EEIG2: variants seen among roughly 807,000 people sequenced by gnomAD.
EEIG2 encodes the protein EEIG family member 2, also known as family with sequence similarity 102 member B.
chr1:108,616,867 T>C, the EEIG2 span, among the ~76,000 whole-genome samples: 4 of 152,106 alleles, frequency 2.6e-5, no homozygotes, highest in Non-Finnish European at 4.4e-5. Flanking sequence ...CAAGTAAATA[T>C]ATAATATACA....
At chr1:108,621,232 A>T in the EEIG2 span, among the ~76,000 whole-genome samples, 10 of 152,314 alleles carry the variant, frequency 6.6e-5, no homozygotes, top group Admixed American at 2.0e-4. Flanking sequence ...GATGAGATAT[A>T]AAAGCATTTT....
At chr1:108,616,515 T>C in the EEIG2 span, 1 of 894,064 alleles carries the variant, frequency 1.1e-6, no homozygotes, top group Non-Finnish European at 1.8e-6. Flanking sequence ...TATTTTGTAG[T>C]GCTTATAAGA....
the EEIG2 span, among the ~76,000 whole-genome samples, chr1:108,570,117 G>T: frequency 1.1e-4 from 16 of 152,266 alleles, no homozygotes; most frequent in East Asian, 2.9e-3. Context: ...CTCAAGAATA[G>T]GTAGAAAGGA....
At chr1:108,565,379 G>T in the EEIG2 span, among the ~76,000 whole-genome samples, 1 of 152,202 alleles carries the variant, frequency 6.6e-6, no homozygotes, top group Non-Finnish European at 1.5e-5. Flanking sequence ...TTGGTCTGTT[G>T]TTGACCAAAA....
the EEIG2 span, among the ~76,000 whole-genome samples, chr1:108,631,421 C>CT: frequency 6.6e-6 from 1 of 152,160 alleles, no homozygotes; most frequent in Non-Finnish European, 1.5e-5. Context: ...TTTACTGACT[C>CT]TTTTTTACAG....
the EEIG2 span, among the ~76,000 whole-genome samples, chr1:108,581,583 G>A: frequency 6.6e-6 from 1 of 152,188 alleles, no homozygotes; most frequent in East Asian, 1.9e-4. Context: ...CCTCATGGAT[G>A]ACTTTGAGGG....
chr1:108,613,691 T>G, the EEIG2 span, among the ~76,000 whole-genome samples: 4 of 152,156 alleles, frequency 2.6e-5, no homozygotes, highest in African/African-American at 9.7e-5. Context: ...ACCCCTTAGG[T>G]ACCGTCTCGC....
chr1:108,604,587 T>C, the EEIG2 span, among the ~76,000 whole-genome samples: 1 of 151,964 alleles, frequency 6.6e-6, no homozygotes, highest in Non-Finnish European at 1.5e-5. Context: ...AACCAGGCAA[T>C]TGTGGTGCCA....
At chr1:108,560,264 GC>G in the EEIG2 span, 1 of 248,480 alleles carries the variant, frequency 4.0e-6, no homozygotes, top group Non-Finnish European at 6.3e-6. Flanking sequence ...GCCGCGAGAG[GC>G]GGCGGCAGCG....
chr1:108,588,766 T>C, the EEIG2 span, among the ~76,000 whole-genome samples: 1 of 151,750 alleles, frequency 6.6e-6, no homozygotes, highest in Admixed American at 6.6e-5. Flanking sequence ...TATGAGTTTC[T>C]TATATATTTG....
At chr1:108,563,279 G>C in the EEIG2 span, among the ~76,000 whole-genome samples, 1 of 152,182 alleles carries the variant, frequency 6.6e-6, no homozygotes. Flanking sequence ...CAGCCTACGT[G>C]ACCAGCCCTA....
chr1:108,590,820 G>A, the EEIG2 span, among the ~76,000 whole-genome samples: 1 of 152,136 alleles, frequency 6.6e-6, no homozygotes, highest in Non-Finnish European at 1.5e-5. Context: ...TGTACCTAGG[G>A]TATACCTATG....
the EEIG2 span, chr1:108,624,609 C>G: frequency 3.2e-6 from 5 of 1,583,480 alleles, no homozygotes; most frequent in Admixed American, 5.1e-5. Context: ...CTTTGAGGCT[C>G]CCCCACAACT....
the EEIG2 span, among the ~76,000 whole-genome samples, chr1:108,599,042 A>G: frequency 6.6e-6 from 1 of 151,978 alleles, no homozygotes; most frequent in Non-Finnish European, 1.5e-5. Context: ...GTGTATGCCT[A>G]TGGTCCTAGC....
the EEIG2 span, among the ~76,000 whole-genome samples, chr1:108,615,333 A>C: frequency 1.3e-5 from 2 of 152,212 alleles, no homozygotes; most frequent in African/African-American, 4.8e-5. Flanking sequence ...GCACATAATG[A>C]ATTCTCAAAT....
chr1:108,626,789 C>T, the EEIG2 span: 2 of 152,156 alleles, frequency 1.3e-5, no homozygotes, highest in African/African-American at 4.8e-5. Flanking sequence ...GCCAACTTTA[C>T]CAAACGATCT....
the EEIG2 span, among the ~76,000 whole-genome samples, chr1:108,572,311 G>A: frequency 1.3e-5 from 2 of 151,926 alleles, no homozygotes; most frequent in African/African-American, 2.4e-5. Context: ...TGGAAAATAC[G>A]CAGAGTTTCC....
At chr1:108,632,111 C>CA in the EEIG2 span, among the ~76,000 whole-genome samples, 16 of 65,384 alleles carry the variant, frequency 2.4e-4, no homozygotes, top group Middle Eastern at 0.011. Flanking sequence ...GAGACTGTCT[C>CA]AAAAAAAAAA....
the EEIG2 span, among the ~76,000 whole-genome samples, chr1:108,575,484 TA>T: frequency 1.3e-5 from 2 of 152,106 alleles, no homozygotes; most frequent in African/African-American, 4.8e-5. Flanking sequence ...GAAAAGAAAA[TA>T]TAATGTCACA....
Sources: gnomAD v4.1 joint callset for allele counts (sites outside exome capture counted in the v4.1 genomes callset) on GRCh38, gnomAD v4.1.1 for gene constraint, MANE v1.5 for transcripts, NCBI Gene and HGNC (gene_info 2026-07-23, HGNC 2026-07-21) for gene names.